The following INSR variants were observed in gnomAD, a reference collection of about 807,000 sequenced individuals.
INSR encodes insulin receptor.
Under a neutral mutation model 142.6 loss-of-function variants are expected in INSR, and 67 were observed. The observed-to-expected ratio is 0.47, with a 90% confidence interval of 0.39 to 0.58. The LOEUF (loss-of-function observed/expected upper bound fraction) is 0.58. Ranked by LOEUF, INSR falls within the 20% of genes least tolerant of loss-of-function variation. The pLI is 0.00. For missense variants in INSR, 1,248 were observed against 1,833.2 expected (o/e 0.68, Z 5.83); for synonymous variants, 756 against 743.1 (o/e 1.02, Z -0.28).
chr19:7,149,094 T>G (rs910062261), intron 11 of INSR, among the ~76,000 whole-genome samples: 1 of 152,050 alleles, frequency 6.6e-6, no homozygotes, highest in Non-Finnish European at 1.5e-5. Flanking sequence ...TTTTTAGTAG[T>G]GACGGGGTTT....
chr19:7,244,538 G>T (rs541444691), intron 2 of INSR, among the ~76,000 whole-genome samples: 5 of 110,362 alleles, frequency 4.5e-5, no homozygotes, highest in Non-Finnish European at 9.8e-5. Context: ...GTCTCAAAAA[G>T]AAAAAAAAAG....
chr19:7,189,585 A>G (rs765586161), intron 2 of INSR, among the ~76,000 whole-genome samples: 10 of 152,100 alleles, frequency 6.6e-5, no homozygotes, highest in Non-Finnish European at 8.8e-5. Context: ...ATAAAACTTT[A>G]TTTATAAAAG....
chr19:7,275,195 G>A (rs908568089), intron 1 of INSR, among the ~76,000 whole-genome samples: 6 of 151,712 alleles, frequency 4.0e-5, no homozygotes, highest in East Asian at 2.0e-4. Flanking sequence ...GGCTGGTCTC[G>A]AACTCCTGAC....
intron 2 of INSR, among the ~76,000 whole-genome samples, chr19:7,199,973 T>C (rs1002011193): frequency 6.6e-6 from 1 of 152,092 alleles, no homozygotes; most frequent in Non-Finnish European, 1.5e-5. Flanking sequence ...TGTCCCTTTA[T>C]CACAGCAGGA....
chr19:7,162,997 A>G lies in INSR; in HGVS notation c.2029+35T>C, dbSNP rs199872835. ...AAGTGCATCAGACACACGTGTGCAA[A>G]CCCCACCGATCCTAGCACAGCTGCC... On this transcript the variant is annotated intron_variant, in intron 9 of 21. Transcript: ENST00000302850. The G allele has an allele frequency of 1.1e-5, 17 of 1,610,674 alleles. No individual in the cohort carries two copies. The East Asian group carries it at 3.8e-4, about 36-fold the overall frequency.
chr19:7,262,475 A>AAAAT (rs1351099791), intron 2 of INSR, among the ~76,000 whole-genome samples: 2 of 152,216 alleles, frequency 1.3e-5, no homozygotes, highest in Non-Finnish European at 2.9e-5. Context: ...TCCGTCTCAA[A>AAAAT]AAATAAATAA....
chr19:7,196,604 T>G (rs1442304632), intron 2 of INSR, among the ~76,000 whole-genome samples: 1 of 152,202 alleles, frequency 6.6e-6, no homozygotes, highest in Non-Finnish European at 1.5e-5. Context: ...AGTTTGGGTT[T>G]TTCTTAATTA....
At chr19:7,244,542 A>G (rs73490794) in intron 2 of INSR, among the ~76,000 whole-genome samples, 16,578 of 150,276 alleles carry the variant, frequency 0.11, 2,636 homozygotes, top group African/African-American at 0.35. Flanking sequence ...CAAAAAGAAA[A>G]AAAAAGATTT....
intron 2 of INSR, among the ~76,000 whole-genome samples, chr19:7,223,825 A>G (rs550387206): frequency 2.8e-4 from 42 of 152,184 alleles, no homozygotes; most frequent in Non-Finnish European, 5.4e-4. Flanking sequence ...GCTGGTGCTC[A>G]GTAGTGACTT....
chr19:7,200,275 G>A (rs1414987297), intron 2 of INSR, among the ~76,000 whole-genome samples: 1 of 152,208 alleles, frequency 6.6e-6, no homozygotes, highest in Non-Finnish European at 1.5e-5. Context: ...GCTGGCTTCT[G>A]AAGCCATCGG....
At chr19:7,261,991 G>A (rs1488915641) in intron 2 of INSR, among the ~76,000 whole-genome samples, 1 of 152,176 alleles carries the variant, frequency 6.6e-6, no homozygotes, top group African/African-American at 2.4e-5. Flanking sequence ...GATGCTTCCA[G>A]AAGCTGCCAA....
intron 1 of INSR, among the ~76,000 whole-genome samples, chr19:7,281,588 C>G (rs1041527386): frequency 6.6e-6 from 1 of 151,690 alleles, no homozygotes; most frequent in African/African-American, 2.4e-5. Context: ...GGAGGAAGCG[C>G]GAGAATCATT....
chr19:7,229,064 T>C (rs939366495), intron 2 of INSR, among the ~76,000 whole-genome samples: 3 of 149,452 alleles, frequency 2.0e-5, no homozygotes, highest in Middle Eastern at 3.6e-3. Flanking sequence ...GATGGATGAA[T>C]GGATGAGTGG....
In INSR at chr19:7,189,229, G is replaced by GT. The variant is rs1974513344; in HGVS notation, c.653-4593dup. ...TCCTGGGCTGGAGCCACTTCAGAGG[G>GT]TCAGCCCTTTCATTCAAAAGAGGCG... On this transcript the variant is annotated intron_variant, in intron 2 of 21. Coordinates refer to ENST00000302850, the MANE Select transcript of INSR (RefSeq NM_000208.4). Among the ~76,000 whole-genome samples the GT allele has an allele frequency of 1.3e-5, 2 of 152,152 alleles. 1 individual carries two copies. The highest frequency in any genetic ancestry group is 4.1e-4 in the South Asian group (2 of 4,832).
At chr19:7,167,856 G>C in intron 7 of INSR, 112 bp downstream of exon 7, 2 of 1,276,086 alleles carry the variant, frequency 1.6e-6, no homozygotes, top group Non-Finnish European at 2.3e-6. Flanking sequence ...TATTCCAGGA[G>C]GAGGAGGGAG....
intron 2 of INSR, among the ~76,000 whole-genome samples, chr19:7,235,015 A>C (rs1600072179): frequency 6.6e-6 from 1 of 152,184 alleles, no homozygotes; most frequent in Admixed American, 6.6e-5. Context: ...CTGAAATTGC[A>C]TCACTGCACT....
chr19:7,290,721 G>C (rs768314460), intron 1 of INSR, among the ~76,000 whole-genome samples: 1 of 148,806 alleles, frequency 6.7e-6, no homozygotes, highest in Non-Finnish European at 1.5e-5. Context: ...CGCAAAGATC[G>C]TGTCACTGCA....
chr19:7,240,544 G>A (rs1976308438), intron 2 of INSR, among the ~76,000 whole-genome samples: 2 of 152,198 alleles, frequency 1.3e-5, no homozygotes, highest in Non-Finnish European at 2.9e-5. Flanking sequence ...ACTCCAGCCA[G>A]GGTGACAAGA....
rs1240591263 is a variant in INSR, at chr19:7,112,559, G to A, written c.*4497C>T. 1 of 152,174 alleles carries A rather than the reference G, an allele frequency of 6.6e-6. No homozygotes were observed. Among genetic ancestry groups the A allele is most frequent in the Non-Finnish European group, 1.5e-5 (1 of 68,042 alleles). 9.4% of individuals were successfully genotyped at this position (152,174 alleles called of 1,614,324 possible). On this transcript the variant is annotated 3_prime_UTR_variant, in exon 22 of 22. Transcript: ENST00000302850. ...CAGGCAAAGTGTAAAGACTAAACAA[G>A]CTGTTCCTGAATATGTGCATGGGTG...
Sources: gnomAD v4.1 joint callset for allele counts (sites outside exome capture counted in the v4.1 genomes callset) on GRCh38, gnomAD v4.1.1 for gene constraint, MANE v1.5 for transcripts, NCBI Gene and HGNC (gene_info 2026-07-23, HGNC 2026-07-21) for gene names.